The following NLRP11 variants were observed in gnomAD, a reference collection of about 807,000 sequenced individuals.
NLRP11 encodes the protein NACHT, LRR and PYD domains-containing protein 11.
NLRP11 carries 53 observed loss-of-function variants against 79.3 expected under a neutral mutation model. That is an observed-to-expected ratio of 0.67 (90% CI 0.54 to 0.84). NLRP11 has a LOEUF of 0.84. Ranked by LOEUF, NLRP11 falls within the 40% of genes least tolerant of loss-of-function variation. NLRP11 has a pLI of 0.00. For synonymous variants in NLRP11, 518 were observed against 462.6 expected (o/e 1.12, Z -1.54); for missense variants, 1,264 against 1,255.0 (o/e 1.01, Z -0.11).
chr19:55,796,481 T>C (rs7246061), intron 5 of NLRP11, among the ~76,000 whole-genome samples: 108,046 of 152,010 alleles, frequency 0.71, 39,629 homozygotes, highest in African/African-American at 0.91. Flanking sequence ...CCTTCCTCTT[T>C]TGCATTCATC....
chr19:55,799,137 T>C (rs1465181650), intron 5 of NLRP11, among the ~76,000 whole-genome samples: 1 of 149,092 alleles, frequency 6.7e-6, no homozygotes, highest in East Asian at 2.0e-4. Context: ...TGTGGTGGTG[T>C]ACCCCTGTGG....
intron 5 of NLRP11, among the ~76,000 whole-genome samples, chr19:55,797,970 C>T (rs972892304): frequency 2.6e-5 from 4 of 151,050 alleles, no homozygotes; most frequent in African/African-American, 9.7e-5. Context: ...GGCCACCCAG[C>T]GTGAAATGGT....
chr19:55,799,745 T>C (rs776186130), intron 5 of NLRP11, among the ~76,000 whole-genome samples: 30 of 152,082 alleles, frequency 2.0e-4, no homozygotes, highest in Non-Finnish European at 4.1e-4. Flanking sequence ...TCCAGCACTT[T>C]GGGAGGCTGA....
chr19:55,823,064 C>T (rs1310086424), intron 1 of NLRP11, among the ~76,000 whole-genome samples: 170 of 148,752 alleles, frequency 1.1e-3, no homozygotes, highest in African/African-American at 3.9e-3. Flanking sequence ...AGCTGGAGAT[C>T]TGAGAACCAG....
At chr19:55,785,928 T>C in intron 9 of NLRP11, 57 bp from the exon 10 acceptor site, 2 of 1,555,714 alleles carry the variant, frequency 1.3e-6, no homozygotes, top group Admixed American at 1.9e-5. Context: ...CTCAGCTTTG[T>C]TGCATCAATG....
rs943867005 is a variant in NLRP11 at position 55,796,783 on chromosome 19, T to G, written c.2172-533A>C. 7.3e-4 allele frequency among the ~76,000 whole-genome samples: 109 copies of G among 150,148 alleles called. 1 individual carries two copies. The highest frequency in any genetic ancestry group is 2.5e-3 in the African/African-American group (102 of 40,600). On this transcript the variant is annotated intron_variant, in intron 5 of 9. Coordinates refer to ENST00000589093, the Ensembl canonical transcript of NLRP11. ...CTCACTGCAACCTCTGCCTCCCGGG[T>G]TTTTAAGCGATTCTCCTGCCTCGGC...
At chr19:55,835,507 C>G (rs1025564787), upstream of NLRP11, among the ~76,000 whole-genome samples, 11 of 150,186 alleles carry the variant, frequency 7.3e-5, no homozygotes, top group Non-Finnish European at 1.5e-4. Context: ...TCGAGACCAG[C>G]CTGGCCAACA....
chr19:55,812,885 A>T (rs992583700), intron 2 of NLRP11, among the ~76,000 whole-genome samples: 1 of 152,104 alleles, frequency 6.6e-6, no homozygotes, highest in African/African-American at 2.4e-5. Flanking sequence ...CTGCATCTTT[A>T]TTGTCCCCCT....
chr19:55,824,708 C>G (rs1232144538), intron 1 of NLRP11, among the ~76,000 whole-genome samples: 1 of 106,116 alleles, frequency 9.4e-6, no homozygotes, highest in Non-Finnish European at 1.7e-5. Flanking sequence ...ACAAGAAGAG[C>G]TAACTATCCT....
exon 4 of NLRP11, chr19:55,807,942 C>T (rs778434722): frequency 5.6e-6 from 9 of 1,610,512 alleles, no homozygotes; most frequent in South Asian, 4.4e-5. Flanking sequence ...CAAAGATATG[C>T]AGCTCCCGGA....
At chr19:55,823,252 A>G (rs574740870) in intron 1 of NLRP11, among the ~76,000 whole-genome samples, 1 of 138,406 alleles carries the variant, frequency 7.2e-6, no homozygotes, top group South Asian at 2.2e-4. Flanking sequence ...CCACACCGAA[A>G]ACCCATCTGT....
Position 55,796,232 on chromosome 19 carries a change from C to T in NLRP11, c.2190G>A (p.Leu730=), listed in dbSNP as rs752942284. The T allele has an allele frequency of 1.3e-5, 21 of 1,612,114 alleles. No homozygotes were observed. The South Asian group carries it at 2.3e-4, about 18-fold the overall frequency. Residue 730 remains leucine, a synonymous_variant, in exon 6 of 10, where the codon TTG becomes TTA. Transcript: ENST00000589093. ...CGATTTCTTCACATTCGCTGGCTCGCAAATCACATTTCATCAAGCTGTAAG... is the reference window on the plus strand; with the variant it reads ...CGATTTCTTCACATTCGCTGGCTCGTAAATCACATTTCATCAAGCTGTAAG...
In NLRP11 at chr19:55,796,041, C is replaced by G. The variant is rs578042818; in HGVS notation, c.2342+39G>C. ...CATGTGCTTAGATATTCAAGTCAGT[C>G]TGAGCTTCTACGTGGTGAGCTCGTC... On this transcript the variant is annotated intron_variant, in intron 6 of 9. Coordinates refer to ENST00000589093, the Ensembl canonical transcript of NLRP11. The G allele has an allele frequency of 6.4e-6, 10 of 1,568,582 alleles. No individual in the cohort carries two copies. In the East Asian group the frequency reaches 9.0e-5, roughly 14 times the overall value.
At position 55,796,231 on chromosome 19, in the gene NLRP11, G is replaced by A. The variant is rs796621024; in HGVS notation, c.2191C>T (p.Arg731Ter). The A allele has an allele frequency of 7.4e-6, 12 of 1,611,890 alleles. No individual in the cohort carries two copies. The South Asian group carries it at 7.7e-5, about 10-fold the overall frequency. Residue 731 changes from arginine (R) to a stop codon, truncating the protein, a stop_gained, in exon 6 of 10, where the codon CGA (arginine) becomes TGA (stop). Transcript: ENST00000589093. LOFTEE classifies it high-confidence loss of function. ...GCGATTTCTTCACATTCGCTGGCTCGCAAATCACATTTCATCAAGCTGTAA... is the reference window on the plus strand; with the variant it reads ...GCGATTTCTTCACATTCGCTGGCTCACAAATCACATTTCATCAAGCTGTAA...
At chr19:55,818,235 A>G in exon 2 of NLRP11, 1 of 1,339,518 alleles carries the variant, frequency 7.5e-7, no homozygotes, top group Non-Finnish European at 1.0e-6. Flanking sequence ...GAAATATGAG[A>G]TCTAAAAATA....
At chr19:55,810,473 A>C (rs1980500909) in intron 2 of NLRP11, 135 bp from the exon 3 acceptor site, 2 of 720,704 alleles carry the variant, frequency 2.8e-6, no homozygotes, top group East Asian at 5.4e-5. Context: ...TATCACAAAG[A>C]TATAGGTACA....
intron 2 of NLRP11, among the ~76,000 whole-genome samples, chr19:55,817,269 T>C (rs10421218): frequency 0.22 from 33,879 of 151,956 alleles, 5,767 homozygotes; most frequent in African/African-American, 0.48. Context: ...AGTGTGACTA[T>C]TCCTTAAAGA....
chr19:55,836,362 A>G (rs1215626318), upstream of NLRP11: 1 of 152,154 alleles, frequency 6.6e-6, no homozygotes, highest in African/African-American at 2.4e-5. Context: ...CCCCCGCTCT[A>G]TACGACACCA....
exon 5 of NLRP11, chr19:55,801,630 T>A: frequency 6.2e-7 from 1 of 1,614,036 alleles, no homozygotes; most frequent in Non-Finnish European, 8.5e-7. Context: ...AGTGAAAACA[T>A]ATTTAGGGAA....
Sources: gnomAD v4.1 joint callset for allele counts (sites outside exome capture counted in the v4.1 genomes callset) on GRCh38, gnomAD v4.1.1 for gene constraint, MANE v1.5 for transcripts, NCBI Gene and HGNC (gene_info 2026-07-23, HGNC 2026-07-21) for gene names.